FGF9: variants seen among roughly 807,000 people sequenced by gnomAD.
FGF9 encodes fibroblast growth factor 9.
FGF9 carries 3 observed loss-of-function variants against 19.9 expected under a neutral mutation model. The observed-to-expected ratio is 0.15, with a 90% CI of 0.07 to 0.39. The LOEUF (loss-of-function observed/expected upper bound fraction) is 0.39, where lower values mean the gene tolerates loss of function less well. Ranked by LOEUF, FGF9 falls within the 10% of genes least tolerant of loss-of-function variation. The pLI is 1.00. For missense variants in FGF9, 175 were observed against 256.8 expected, an observed-to-expected ratio of 0.68 and a Z score of 2.18; for synonymous variants, 107 against 106.9, an observed-to-expected ratio of 1.00 and a Z score of -0.01.
intron 1 of FGF9, among the ~76,000 whole-genome samples, chr13:21,673,836 G>A (rs1486126174): frequency 1.3e-5 from 2 of 150,892 alleles, no homozygotes; most frequent in Non-Finnish European, 3.0e-5. Context: ...CCGCGCTCGC[G>A]GTCGGCAGGT....
chr13:21,671,799 C>G lies in FGF9; in HGVS notation c.-114C>G. The G allele has an allele frequency of 8.5e-7, 1 of 1,183,342 alleles. No individual in the cohort carries two copies. 73.3% of individuals were successfully genotyped at this position (1,183,342 alleles called of 1,614,324 possible). ...TTGAAGAAAAGAACCTTTTTTTTCT[C>G]TCTCTCTCTGCAACTGCAGTAAGGG... On this transcript the variant is annotated 5_prime_UTR_variant, in exon 1 of 3. Coordinates refer to ENST00000382353, the MANE Select transcript of FGF9 (RefSeq NM_002010.3).
intron 1 of FGF9, among the ~76,000 whole-genome samples, chr13:21,678,375 G>C (rs1871963643): frequency 1.3e-5 from 2 of 152,282 alleles, no homozygotes; most frequent in South Asian, 4.1e-4. Context: ...GAGTCCAGTT[G>C]CTTGGGGGCT....
chr13:21,689,777 A>AT (rs1476137592), intron 2 of FGF9, among the ~76,000 whole-genome samples: 3 of 152,056 alleles, frequency 2.0e-5, no homozygotes, highest in Admixed American at 6.5e-5. Flanking sequence ...GCTTCCCCTC[A>AT]TCCTGAGCCT....
intron 2 of FGF9, among the ~76,000 whole-genome samples, chr13:21,693,250 C>T (rs945578203): frequency 3.3e-5 from 5 of 152,104 alleles, no homozygotes; most frequent in Admixed American, 2.0e-4. Context: ...GATGAGTTCC[C>T]GAGAAATCGG....
chr13:21,680,727 C>G (rs1484799350), intron 1 of FGF9, among the ~76,000 whole-genome samples: 1 of 152,194 alleles, frequency 6.6e-6, no homozygotes, highest in Admixed American at 6.5e-5. Flanking sequence ...AGATTATGTA[C>G]ACACTGGTTT....
intron 1 of FGF9, among the ~76,000 whole-genome samples, chr13:21,679,780 T>C (rs942383779): frequency 4.9e-5 from 2 of 41,002 alleles, no homozygotes; most frequent in Non-Finnish European, 1.1e-4. Flanking sequence ...CTACTAAAAA[T>C]ACAAAAAAAA....
At chr13:21,699,368 C>A (rs935663921) in intron 2 of FGF9, among the ~76,000 whole-genome samples, 21 of 152,204 alleles carry the variant, frequency 1.4e-4, no homozygotes, top group Non-Finnish European at 2.5e-4. Context: ...CTGCTTCCCC[C>A]CATTTCAGCT....
intron 2 of FGF9, among the ~76,000 whole-genome samples, chr13:21,692,241 TC>T (rs1198514290): frequency 6.6e-6 from 1 of 152,216 alleles, no homozygotes; most frequent in Non-Finnish European, 1.5e-5. Flanking sequence ...CCTGCTCTAT[TC>T]CTTTCTTTCT....
chr13:21,695,671 T>C (rs1003253665), intron 2 of FGF9, among the ~76,000 whole-genome samples: 2 of 152,232 alleles, frequency 1.3e-5, no homozygotes, highest in African/African-American at 2.4e-5. Context: ...GCTTTACTGC[T>C]AGATTATTAA....
Position 21,672,264 on chromosome 13 carries a change from G to A in FGF9, c.277+75G>A, listed in dbSNP as rs1460985665. On this transcript the variant is annotated intron_variant, in intron 1 of 2. Transcript: ENST00000382353. This position sits in a 1 kb window ranked among gnomAD's most constrained non-coding sequence, Gnocchi z 4.2. ...TATAACTACCAAGAAGGTGGTGGCC[G>A]GGTGGGGGACGTGGGAAGGGTTCTC... is the stretch of plus-strand genomic sequence containing the variant. The A allele has an allele frequency of 1.9e-6, 3 of 1,543,794 alleles. No individual in the cohort carries two copies. Among genetic ancestry groups the A allele is most frequent in the Non-Finnish European group, 2.7e-6 (3 of 1,119,496 alleles).
At chr13:21,698,518 C>T (rs1408073192) in intron 2 of FGF9, among the ~76,000 whole-genome samples, 1 of 152,082 alleles carries the variant, frequency 6.6e-6, no homozygotes, top group Non-Finnish European at 1.5e-5. Flanking sequence ...GTGAGAGAAC[C>T]AGTTGTAAAG....
intron 2 of FGF9, among the ~76,000 whole-genome samples, chr13:21,700,118 C>T (rs1314397581): frequency 6.6e-6 from 1 of 151,838 alleles, no homozygotes; most frequent in Non-Finnish European, 1.5e-5. Context: ...TCAACTGAAC[C>T]CCAGCTTTCA....
intron 2 of FGF9, among the ~76,000 whole-genome samples, chr13:21,689,431 G>A (rs566679523): frequency 6.6e-6 from 1 of 150,402 alleles, no homozygotes; most frequent in Non-Finnish European, 1.5e-5. Context: ...TGTATTGTCA[G>A]TGGGATCCCA....
chr13:21,691,831 G>A lies in FGF9; in HGVS notation c.382-9359G>A, dbSNP rs904596430. ...ACTGTGACAACCGGCTGAGAAAAATGTCTGCATCCCTGACACCCCCGTTGC... is the reference window on the plus strand; with the variant it reads ...ACTGTGACAACCGGCTGAGAAAAATATCTGCATCCCTGACACCCCCGTTGC... On this transcript the variant is annotated intron_variant, in intron 2 of 2. Coordinates refer to ENST00000382353, the MANE Select transcript of FGF9 (RefSeq NM_002010.3). The surrounding 1 kb of genome is among the most constrained non-coding windows in gnomAD (Gnocchi z 4.2). Among the ~76,000 whole-genome samples, 2 of 152,174 alleles carry A rather than the reference G, an allele frequency of 1.3e-5. No homozygotes were observed. The highest frequency in any genetic ancestry group is 2.9e-5 in the Non-Finnish European group (2 of 68,018).
At chr13:21,698,368 G>A (rs79043374) in intron 2 of FGF9, among the ~76,000 whole-genome samples, 253 of 152,336 alleles carry the variant, frequency 1.7e-3, no homozygotes, top group African/African-American at 5.7e-3. Flanking sequence ...AGATGTTAAT[G>A]TGATATTAAC....
At chr13:21,680,258 A>G (rs1474572039) in intron 1 of FGF9, among the ~76,000 whole-genome samples, 1 of 152,216 alleles carries the variant, frequency 6.6e-6, no homozygotes, top group Non-Finnish European at 1.5e-5. Flanking sequence ...TTTGAGGTTT[A>G]GATAAGTATA....
chr13:21,703,800 A>G lies in FGF9; in HGVS notation c.*2365A>G, dbSNP rs146786688. The G allele has an allele frequency of 1.3e-3, 196 of 152,284 alleles. 1 individual carries two copies. The highest frequency in any genetic ancestry group is 4.4e-3 in the African/African-American group (183 of 41,554). The allele number at this position is 152,284 out of a possible 1,614,324, so 9.4% of individuals were successfully genotyped here. ...CTTAGATAATCGACCTAAAAGAAAGAAAATTGTGAAAAAGACAAAAATCTT... is the reference window on the plus strand; with the variant it reads ...CTTAGATAATCGACCTAAAAGAAAGGAAATTGTGAAAAAGACAAAAATCTT... On this transcript the variant is annotated 3_prime_UTR_variant, in exon 3 of 3. Transcript: ENST00000382353.
chr13:21,700,157 C>G (rs887597554), intron 2 of FGF9, among the ~76,000 whole-genome samples: 1 of 152,146 alleles, frequency 6.6e-6, no homozygotes, highest in Non-Finnish European at 1.5e-5. Context: ...GAAGTGTAGT[C>G]CATCTGGGAA....
In FGF9 at chr13:21,672,312, A is replaced by G; in HGVS notation, c.277+123A>G. On this transcript the variant is annotated intron_variant, in intron 1 of 2. Transcript: ENST00000382353. This position sits in a 1 kb window ranked among gnomAD's most constrained non-coding sequence, Gnocchi z 4.2. ...CTCCCCTCCTCCCCTCTTTCTCTGT[A>G]TCTCTGTCTCTCTCTCTCTCTGTCT... 3 of 1,081,656 alleles carry G rather than the reference A, an allele frequency of 2.8e-6. No individual in the cohort carries two copies. Among genetic ancestry groups the G allele is most frequent in the East Asian group, 2.4e-5 (1 of 41,536 alleles). The allele number at this position is 1,081,656 out of a possible 1,614,324, so 67.0% of individuals were successfully genotyped here. A position where few individuals can be genotyped will look rare whatever the true frequency, so the allele number is the denominator to read the frequency against.
Sources: gnomAD v4.1 joint callset for allele counts (sites outside exome capture counted in the v4.1 genomes callset) on GRCh38, gnomAD v4.1.1 for gene constraint, Gnocchi (gnomAD v3.1) non-coding constraint, MANE v1.5 for transcripts, NCBI Gene and HGNC (gene_info 2026-07-23, HGNC 2026-07-21) for gene names.